The following CNTN5 variants were observed in gnomAD, a reference collection of about 807,000 sequenced individuals.
The protein encoded by CNTN5 is contactin 5.
Under a neutral mutation model 129.1 loss-of-function variants are expected in CNTN5, and 77 were observed. That is an observed-to-expected ratio of 0.60 (90% CI 0.50 to 0.72). The LOEUF is 0.72. CNTN5 is among the 30% of genes least tolerant of loss of function. The pLI is 0.00. For missense variants in CNTN5, 1,478 were observed against 1,328.8 expected (o/e 1.11, Z -1.75); for synonymous variants, 509 against 465.6 (o/e 1.09, Z -1.20).
At chr11:99,463,518 A>C (rs1420844735) in intron 2 of CNTN5, among the ~76,000 whole-genome samples, 1 of 151,094 alleles carries the variant, frequency 6.6e-6, no homozygotes, top group Non-Finnish European at 1.5e-5. Flanking sequence ...CATTATACTT[A>C]AAAAATGTCT....
chr11:99,331,227 C>G (rs1001201812), intron 2 of CNTN5, among the ~76,000 whole-genome samples: 1 of 152,036 alleles, frequency 6.6e-6, no homozygotes, highest in Non-Finnish European at 1.5e-5. Flanking sequence ...TTTTCTGCCT[C>G]TATGAAAACT....
chr11:100,355,553 A>G (rs1259322328), intron 24 of CNTN5, among the ~76,000 whole-genome samples: 3 of 151,762 alleles, frequency 2.0e-5, no homozygotes, highest in African/African-American at 7.2e-5. Context: ...ATACGTTTAT[A>G]CAACTAGCAG....
chr11:99,105,505 T>C lies in CNTN5; in HGVS notation c.-210+84235T>C, dbSNP rs375637031. Among the ~76,000 whole-genome samples the C allele has an allele frequency of 6.6e-5, 10 of 152,296 alleles. No individual in the cohort carries two copies. The East Asian group carries it at 1.9e-3, about 29-fold the overall frequency. On this transcript the variant is annotated intron_variant, in intron 1 of 24. Coordinates refer to ENST00000524871, the MANE Select transcript of CNTN5 (RefSeq NM_014361.4). Reference sequence around the variant, plus strand: ...ATTCATAGCCAGTCCTACAGCATCATATTCCTACAACATACTTAGCATCTA... The same window carrying C: ...ATTCATAGCCAGTCCTACAGCATCACATTCCTACAACATACTTAGCATCTA...
intron 1 of CNTN5, among the ~76,000 whole-genome samples, chr11:99,115,531 A>G (rs1035671385): frequency 6.6e-6 from 1 of 152,096 alleles, no homozygotes; most frequent in Non-Finnish European, 1.5e-5. Flanking sequence ...GGCTGAGGTT[A>G]GGCGGATCAC....
chr11:99,886,529 A>G (rs1044475558), intron 6 of CNTN5, among the ~76,000 whole-genome samples: 6 of 152,208 alleles, frequency 3.9e-5, no homozygotes, highest in South Asian at 2.1e-4. Context: ...ATTTCATAAT[A>G]TCAAGTATTA....
rs1010649836 is a variant in CNTN5 at position 99,288,200 on chromosome 11, G to A, written c.-209-37146G>A. 5.9e-5 allele frequency among the ~76,000 whole-genome samples: 9 copies of A among 151,490 alleles called. 1 individual carries two copies. The highest frequency in any genetic ancestry group is 2.2e-4 in the African/African-American group (9 of 41,294). Reference sequence around the variant, plus strand: ...CTTGTGGAATATATGAAAGCAAATTGTTTGCTATATATAAGCAGGGTTTTT... The same window carrying A: ...CTTGTGGAATATATGAAAGCAAATTATTTGCTATATATAAGCAGGGTTTTT... On this transcript the variant is annotated intron_variant, in intron 1 of 24. Coordinates refer to ENST00000524871, the MANE Select transcript of CNTN5 (RefSeq NM_014361.4).
At chr11:99,651,140 A>G (rs868330066) in intron 3 of CNTN5, among the ~76,000 whole-genome samples, 37 of 152,096 alleles carry the variant, frequency 2.4e-4, no homozygotes, top group African/African-American at 8.9e-4. Flanking sequence ...AAAATGCAAG[A>G]TACAGGTGAA....
chr11:99,281,581 C>T (rs188664265), intron 1 of CNTN5, among the ~76,000 whole-genome samples: 87 of 152,050 alleles, frequency 5.7e-4, no homozygotes, highest in African/African-American at 1.6e-3. Flanking sequence ...GACTGACTCA[C>T]CTGCTTTCAT....
At chr11:100,310,067 C>T (rs1440950883) in intron 21 of CNTN5, among the ~76,000 whole-genome samples, 2 of 151,872 alleles carry the variant, frequency 1.3e-5, no homozygotes, top group African/African-American at 4.8e-5. Context: ...ATTCTGAGTT[C>T]CTCCCTTTTT....
intron 3 of CNTN5, among the ~76,000 whole-genome samples, chr11:99,601,432 C>G (rs979936338): frequency 1.3e-5 from 2 of 152,144 alleles, no homozygotes; most frequent in African/African-American, 2.4e-5. Context: ...ATCCCTCAAG[C>G]CTCTTCTAAA....
At chr11:100,288,215 C>T (rs567190728) in intron 18 of CNTN5, among the ~76,000 whole-genome samples, 1 of 152,220 alleles carries the variant, frequency 6.6e-6, no homozygotes, top group African/African-American at 2.4e-5. Context: ...AGAAAGTCAA[C>T]AAGGATACCC....
intron 2 of CNTN5, among the ~76,000 whole-genome samples, chr11:99,375,506 G>T (rs966713): frequency 0.23 from 34,855 of 151,822 alleles, 4,771 homozygotes; most frequent in Middle Eastern, 0.32. Flanking sequence ...GTTTATTAAA[G>T]AACAATAAAT....
chr11:99,210,244 C>T (rs553906764), intron 1 of CNTN5, among the ~76,000 whole-genome samples: 8 of 152,260 alleles, frequency 5.3e-5, no homozygotes, highest in African/African-American at 1.9e-4. Flanking sequence ...TCCCCATTCC[C>T]GTCTTCCATT....
chr11:100,054,035 C>A (rs7943250), intron 9 of CNTN5, among the ~76,000 whole-genome samples: 61,334 of 151,324 alleles, frequency 0.41, 12,821 homozygotes, highest in East Asian at 0.66. Context: ...TGGACATCAG[C>A]TCATTGATTG....
intron 3 of CNTN5, among the ~76,000 whole-genome samples, chr11:99,811,369 T>C (rs1428491673): frequency 6.6e-6 from 1 of 151,452 alleles, no homozygotes; most frequent in Non-Finnish European, 1.5e-5. Flanking sequence ...TTTTATCATA[T>C]TGACATTTTA....
chr11:100,274,798 T>C (rs2138795277), intron 18 of CNTN5, among the ~76,000 whole-genome samples: 1 of 152,310 alleles, frequency 6.6e-6, no homozygotes, highest in Middle Eastern at 3.4e-3. Flanking sequence ...GAGTATAAAT[T>C]AGGTCAACCA....
In CNTN5 at chr11:99,845,214, A is replaced by G. The variant is rs1947647639; in HGVS notation, c.529A>G (p.Asn177Asp). 6.2e-7 allele frequency: 1 copy of G among 1,613,724 alleles called. No homozygotes were observed. The highest frequency in any genetic ancestry group is 8.5e-7 in the Non-Finnish European group (1 of 1,179,812). ...TGGTCATTATCAGTGTTTAGCAACC[A>G]ACACTGTGGGGAGTATTCTTAGTAG... ...DSGHYQCLAT[N>D]TVGSILSREA... The change falls in exon 6 of 25, where the codon AAC (asparagine) becomes GAC (aspartate). Residue 177 changes from asparagine to aspartate, a missense_variant. By Grantham distance (23) the Asn-to-Asp change is conservative. Coordinates refer to ENST00000524871, the MANE Select transcript of CNTN5 (RefSeq NM_014361.4).
chr11:99,085,147 C>A (rs189998286), intron 1 of CNTN5, among the ~76,000 whole-genome samples: 1 of 151,996 alleles, frequency 6.6e-6, no homozygotes, highest in African/African-American at 2.4e-5. Context: ...TGGGTTGAAG[C>A]CATTCTCCTG....
intron 1 of CNTN5, among the ~76,000 whole-genome samples, chr11:99,096,638 G>A (rs1013708750): frequency 1.3e-5 from 2 of 151,822 alleles, no homozygotes; most frequent in Non-Finnish European, 3.0e-5. Context: ...AAGTCTGACA[G>A]TAGGACCCAG....
Sources: allele counts gnomAD v4.1 joint callset (sites outside exome capture counted in the v4.1 genomes callset), GRCh38; gene constraint gnomAD v4.1.1; transcripts MANE v1.5; gene names NCBI Gene and HGNC (gene_info 2026-07-23, HGNC 2026-07-21).